Variants in RERE observed in about 807,000 individuals in gnomAD.
The protein encoded by RERE is arginine-glutamic acid dipeptide repeats protein.
A neutral mutation model predicts 146.1 loss-of-function variants in RERE; 40 were observed. The observed-to-expected ratio is 0.27, with a 90% confidence interval of 0.21 to 0.36. The LOEUF (loss-of-function observed/expected upper bound fraction) is 0.36. Among genes scored for constraint, RERE ranks in the 10% least tolerant of loss-of-function variants. RERE has a pLI of 1.00. For missense variants in RERE, 1,933 were observed against 2,138.7 expected (o/e 0.90, Z 1.90); for synonymous variants, 1,003 against 866.0 (o/e 1.16, Z -2.78).
chr1:8,410,266 A>G (rs1409037771), intron 12 of RERE, among the ~76,000 whole-genome samples: 5 of 152,100 alleles, frequency 3.3e-5, no homozygotes, highest in African/African-American at 1.2e-4. Context: ...TCCTCTTTGT[A>G]GACATCAATT....
At chr1:8,598,920 A>G (rs1223153729) in intron 4 of RERE, among the ~76,000 whole-genome samples, 1 of 152,238 alleles carries the variant, frequency 6.6e-6, no homozygotes, top group East Asian at 1.9e-4. Context: ...CACTGACTTC[A>G]AAACACTGAA....
At chr1:8,658,302 G>C (rs1055923880) in intron 1 of RERE, among the ~76,000 whole-genome samples, 25 of 152,164 alleles carry the variant, frequency 1.6e-4, no homozygotes, top group Non-Finnish European at 3.5e-4. Context: ...ATGCTCAAAT[G>C]CAACAAAAGG....
At chr1:8,668,633 A>T (rs886989619) in intron 1 of RERE, among the ~76,000 whole-genome samples, 3 of 152,204 alleles carry the variant, frequency 2.0e-5, no homozygotes, top group Non-Finnish European at 4.4e-5. Flanking sequence ...AGCAATAAGA[A>T]ATGAGGTACA....
At position 8,417,144 on chromosome 1, in the gene RERE, A is replaced by G. The variant is rs368435059; in HGVS notation, c.1284+5583T>C. On this transcript the variant is annotated intron_variant, in intron 12 of 22. Coordinates refer to ENST00000400908, the MANE Select transcript of RERE (RefSeq NM_001042681.2). ...TGAGGCTAGGAAAATTGTTTATTTAAGGTTATAACCTGAAATTAAATAAAA... is the reference window on the plus strand; with the variant it reads ...TGAGGCTAGGAAAATTGTTTATTTAGGGTTATAACCTGAAATTAAATAAAA... 2.0e-5 allele frequency among the ~76,000 whole-genome samples: 3 copies of G among 152,352 alleles called. No individual in the cohort carries two copies. In the East Asian group the frequency reaches 5.8e-4, roughly 29 times the overall value.
At chr1:8,788,153 A>T (rs1285496026) in intron 1 of RERE, among the ~76,000 whole-genome samples, 1 of 152,164 alleles carries the variant, frequency 6.6e-6, no homozygotes, top group African/African-American at 2.4e-5. Context: ...TTATGGTTGT[A>T]GTACTAGATA....
chr1:8,573,752 A>T (rs547396271), intron 4 of RERE, among the ~76,000 whole-genome samples: 1 of 152,230 alleles, frequency 6.6e-6, no homozygotes, highest in Admixed American at 6.5e-5. Flanking sequence ...AATATATATT[A>T]AAGGCTAAAA....
chr1:8,361,728 A>G, intron 17 of RERE, 35 bp downstream of exon 17: 1 of 1,549,932 alleles, frequency 6.5e-7, no homozygotes, highest in Admixed American at 1.7e-5. Context: ...AAGAAGCATT[A>G]GCTTTACTCA....
chr1:8,789,182 C>T (rs968842325), intron 1 of RERE, among the ~76,000 whole-genome samples: 1 of 148,638 alleles, frequency 6.7e-6, no homozygotes, highest in Non-Finnish European at 1.5e-5. Flanking sequence ...CAGTGGCTCA[C>T]ACCTGTAATC....
At chr1:8,490,741 T>A (rs1000021947) in intron 10 of RERE, among the ~76,000 whole-genome samples, 7 of 150,130 alleles carry the variant, frequency 4.7e-5, no homozygotes, top group South Asian at 2.1e-4. Context: ...AAAATGATTT[T>A]AAAAAAATAA....
At chr1:8,731,153 C>T (rs539178639) in intron 1 of RERE, among the ~76,000 whole-genome samples, 6 of 152,286 alleles carry the variant, frequency 3.9e-5, no homozygotes, top group African/African-American at 1.4e-4. Context: ...GTAATTTTGA[C>T]GAACTGCAGA....
intron 1 of RERE, among the ~76,000 whole-genome samples, chr1:8,759,914 AT>A (rs1263091020): frequency 6.6e-6 from 1 of 152,098 alleles, no homozygotes; most frequent in Non-Finnish European, 1.5e-5. Flanking sequence ...CACTGTATAA[AT>A]CTAATTAAGG....
At chr1:8,471,673 T>A (rs1048535613) in intron 10 of RERE, among the ~76,000 whole-genome samples, 2 of 152,060 alleles carry the variant, frequency 1.3e-5, no homozygotes, top group Non-Finnish European at 2.9e-5. Context: ...CCACCATGCC[T>A]GGCTAATTTT....
At chr1:8,692,595 C>T (rs939681253) in intron 1 of RERE, among the ~76,000 whole-genome samples, 1 of 152,044 alleles carries the variant, frequency 6.6e-6, no homozygotes, top group East Asian at 1.9e-4. Flanking sequence ...GTGATCTGCC[C>T]GTCTAGGCCT....
intron 7 of RERE, among the ~76,000 whole-genome samples, chr1:8,532,013 T>C (rs546899132): frequency 6.6e-6 from 1 of 152,348 alleles, no homozygotes; most frequent in South Asian, 2.1e-4. Flanking sequence ...ATGCATTGTA[T>C]GCCTGTATCA....
intron 4 of RERE, among the ~76,000 whole-genome samples, chr1:8,607,509 C>T (rs960237684): frequency 4.5e-5 from 6 of 132,884 alleles, no homozygotes; most frequent in African/African-American, 1.7e-4. Flanking sequence ...GGAGAAGCCC[C>T]GCATATTTGT....
intron 3 of RERE, among the ~76,000 whole-genome samples, chr1:8,619,440 C>T (rs969788892): frequency 3.9e-5 from 6 of 152,110 alleles, no homozygotes; most frequent in Non-Finnish European, 7.4e-5. Context: ...TACCTAGAAA[C>T]TCATTTGGTA....
chr1:8,469,098 C>T (rs1317861622), intron 10 of RERE, among the ~76,000 whole-genome samples: 2 of 151,492 alleles, frequency 1.3e-5, no homozygotes, highest in Admixed American at 6.6e-5. Context: ...AACCTCTTAG[C>T]GACATGTGAG....
intron 7 of RERE, among the ~76,000 whole-genome samples, chr1:8,509,845 C>A (rs545813412): frequency 3.9e-5 from 6 of 152,160 alleles, no homozygotes; most frequent in Non-Finnish European, 8.8e-5. Flanking sequence ...TAAAAGGAGG[C>A]ACATGCTCTT....
chr1:8,479,505 G>T (rs1644803774), intron 10 of RERE, among the ~76,000 whole-genome samples: 1 of 152,102 alleles, frequency 6.6e-6, no homozygotes, highest in Non-Finnish European at 1.5e-5. Context: ...GATGATTCTA[G>T]ATAACTCAGG....
Sources: gnomAD v4.1 joint callset for allele counts (sites outside exome capture counted in the v4.1 genomes callset) on GRCh38, gnomAD v4.1.1 for gene constraint, MANE v1.5 for transcripts, NCBI Gene and HGNC (gene_info 2026-07-23, HGNC 2026-07-21) for gene names.